The following ESRRA variants were observed in gnomAD, a reference collection of about 807,000 sequenced individuals.
ESRRA encodes the protein steroid hormone receptor ERR1.
ESRRA carries 7 observed loss-of-function variants against 35.6 expected under a neutral mutation model. The ratio of observed to expected loss-of-function variants is 0.20; its 90% CI spans 0.11 to 0.37. The LOEUF (loss-of-function observed/expected upper bound fraction) is 0.37, where lower values mean the gene tolerates loss of function less well. Ranked by LOEUF, ESRRA falls within the 10% of genes least tolerant of loss-of-function variation. The pLI, the probability that ESRRA is intolerant of heterozygous loss-of-function variation, is 1.00. For synonymous variants in ESRRA, 223 were observed against 246.9 expected, an observed-to-expected ratio of 0.90 and a Z score of 0.91; for missense variants, 378 against 561.7, an observed-to-expected ratio of 0.67 and a Z score of 3.31.
At position 64,314,385 on chromosome 11, in the gene ESRRA, A is replaced by G. The variant is rs781033400; in HGVS notation, c.571+18A>G. On this transcript the variant is annotated intron_variant, in intron 4 of 6. Coordinates refer to ENST00000000442, the MANE Select transcript of ESRRA (RefSeq NM_004451.5). Reference sequence around the variant, plus strand: ...GAAGACAGGTGAGAGCACTGTGGGTACCTGGGGCTACGAAACCGGAGGCCT... The same window carrying G: ...GAAGACAGGTGAGAGCACTGTGGGTGCCTGGGGCTACGAAACCGGAGGCCT... 43 of 1,534,498 alleles carry G rather than the reference A, an allele frequency of 2.8e-5. No homozygotes were observed. In the South Asian group the frequency reaches 4.3e-4, roughly 15 times the overall value.
In ESRRA at chr11:64,313,977, T is replaced by C; in HGVS notation, c.352T>C (p.Ser118Pro). 6.3e-7 allele frequency: 1 copy of C among 1,581,634 alleles called. No homozygotes were observed. The highest frequency in any genetic ancestry group is 8.6e-7 in the Non-Finnish European group (1 of 1,164,094). ...QGSIEYSCPA[S>P]NECEITKRRR... ...GAGCATCGAGTACAGCTGTCCGGCC[T>C]CCAACGAGTGTGAGATCACCAAGCG... The change falls in exon 3 of 7, where the codon TCC becomes CCC. Residue 118 changes from serine (S) to proline (P), a missense_variant. Coordinates refer to ENST00000000442, the MANE Select transcript of ESRRA (RefSeq NM_004451.5). This position sits in a 1 kb window ranked among gnomAD's most constrained non-coding sequence, Gnocchi z 4.0.
At chr11:64,315,358 G>C in intron 6 of ESRRA, 88 bp downstream of exon 6, 1 of 1,422,682 alleles carries the variant, frequency 7.0e-7, no homozygotes, top group East Asian at 2.4e-5. Flanking sequence ...CCATTTTGCA[G>C]ATAACGAAAA....
chr11:64,315,369 CTG>C, intron 6 of ESRRA, 99 bp downstream of exon 6: 3 of 1,356,244 alleles, frequency 2.2e-6, no homozygotes, highest in South Asian at 1.5e-5. Context: ...ATAACGAAAA[CTG>C]AGGCTTAGGG....
intron 2 of ESRRA, among the ~76,000 whole-genome samples, chr11:64,311,885 G>A (rs1228727846): frequency 1.3e-4 from 19 of 150,412 alleles, no homozygotes; most frequent in African/African-American, 4.4e-4. Context: ...GGGTTTCACC[G>A]TGTTGGTCAG....
intron 2 of ESRRA, among the ~76,000 whole-genome samples, chr11:64,310,149 C>T (rs535272936): frequency 3.3e-5 from 5 of 151,644 alleles, no homozygotes; most frequent in African/African-American, 1.2e-4. Context: ...GAGCTGAGCT[C>T]TTCAATGTTA....
rs1591239109 is a variant in ESRRA at position 64,307,338 on chromosome 11, G to A, written c.159G>A (p.Glu53=). 2 of 1,612,528 alleles carry A rather than the reference G, an allele frequency of 1.2e-6. No homozygotes were observed. Among genetic ancestry groups the A allele is most frequent in the Non-Finnish European group, 1.7e-6 (2 of 1,179,522 alleles). The change falls in exon 2 of 7, where the codon GAG becomes GAA. Residue 53 remains glutamate (E), a synonymous_variant. Transcript: ENST00000000442. ...PTRCLPGHKE[E]EDGEGAGPGE... ...GCTGCCTCCCAGGCCACAAGGAAGA[G>A]GAGGATGGGGAGGGGGCTGGGCCTG... is the stretch of plus-strand genomic sequence containing the variant.
At chr11:64,310,640 C>T (rs1308686280) in intron 2 of ESRRA, among the ~76,000 whole-genome samples, 1 of 150,656 alleles carries the variant, frequency 6.6e-6, no homozygotes, top group Non-Finnish European at 1.5e-5. Flanking sequence ...CTCTGCCTCC[C>T]GGGTTCAAGC....
intron 2 of ESRRA, among the ~76,000 whole-genome samples, chr11:64,312,496 C>T (rs41294404): frequency 0.022 from 3,291 of 152,232 alleles, 118 homozygotes; most frequent in African/African-American, 0.073. Context: ...AAATGCACCG[C>T]GAGGAGAAAT....
intron 1 of ESRRA, chr11:64,306,851 G>T: frequency 3.8e-6 from 1 of 260,664 alleles, no homozygotes; most frequent in South Asian, 1.2e-4. Context: ...TTCCAGGTGG[G>T]GTTGAAGGTT....
intron 2 of ESRRA, among the ~76,000 whole-genome samples, chr11:64,312,148 T>A (rs1449342753): frequency 6.6e-6 from 1 of 150,754 alleles, no homozygotes; most frequent in African/African-American, 2.4e-5. Flanking sequence ...CCGGCTAATT[T>A]TTTTTTTTCG....
chr11:64,314,861 T>A lies in ESRRA; in HGVS notation c.692T>A (p.Leu231His). The A allele has an allele frequency of 6.2e-7, 1 of 1,612,420 alleles. No individual in the cohort carries two copies. Among genetic ancestry groups the A allele is most frequent in the Non-Finnish European group, 8.5e-7 (1 of 1,180,018 alleles). ...CCAGCCGTGGCTACCCTCTGTGACCTCTTTGACCGAGAGATTGTGGTCACC... is the reference window on the plus strand; with the variant it reads ...CCAGCCGTGGCTACCCTCTGTGACCACTTTGACCGAGAGATTGTGGTCACC... ...HLPAVATLCD[L>H]FDREIVVTIS... The change falls in exon 5 of 7, where the codon CTC becomes CAC. Residue 231 changes from leucine (L) to histidine (H), a missense_variant. Around this residue, in one of 4 missense-constraint regions of ESRRA, gnomAD observed 284 missense variants for 411.7 expected, o/e 0.69. Coordinates refer to ENST00000000442, the MANE Select transcript of ESRRA (RefSeq NM_004451.5).
At position 64,307,252 on chromosome 11, in the gene ESRRA, G is replaced by C; in HGVS notation, c.73G>C (p.Gly25Arg). Residue 25 changes from glycine to arginine, a missense_variant, in exon 2 of 7, where the codon GGT becomes CGT. By Grantham distance (125) the Gly-to-Arg change is moderately radical (BLOSUM62 -2). Coordinates refer to ENST00000000442, the MANE Select transcript of ESRRA (RefSeq NM_004451.5). ...GCCGGCCAGCCCTGACAGTCCAAAG[G>C]GTTCCTCGGAGACAGAGACCGAGCC... Reference protein sequence around the residue: ...AEPASPDSPKGSSETETEPPV... With the variant: ...AEPASPDSPKRSSETETEPPV... 1 of 1,613,388 alleles carries C rather than the reference G, an allele frequency of 6.2e-7. No individual in the cohort carries two copies. Among genetic ancestry groups the C allele is most frequent in the Non-Finnish European group, 8.5e-7 (1 of 1,179,670 alleles).
intron 1 of ESRRA, 87 bp from the exon 2 acceptor site, chr11:64,307,081 G>A: frequency 8.5e-7 from 1 of 1,178,764 alleles, no homozygotes; most frequent in Non-Finnish European, 1.2e-6. Context: ...CTGGCCCTAG[G>A]CCCGAGGTTG....
At chr11:64,307,556 C>T (rs2035060580) in intron 2 of ESRRA, 52 bp downstream of exon 2, 1 of 1,370,064 alleles carries the variant, frequency 7.3e-7, no homozygotes, top group African/African-American at 1.5e-5. Context: ...TCTGGGTACA[C>T]TGCTGGGTGC....
intron 2 of ESRRA, among the ~76,000 whole-genome samples, chr11:64,308,076 G>A (rs12419387): frequency 6.6e-6 from 1 of 152,064 alleles, no homozygotes; most frequent in South Asian, 2.1e-4. Context: ...ATTTTTAGTA[G>A]AGACGACGTT....
intron 6 of ESRRA, among the ~76,000 whole-genome samples, chr11:64,315,474 G>C (rs2035229308): frequency 6.6e-6 from 1 of 152,232 alleles, no homozygotes; most frequent in South Asian, 2.1e-4. Flanking sequence ...CACTAATGCA[G>C]AAAGGTCATT....
chr11:64,315,732 G>A lies in ESRRA; in HGVS notation c.1038G>A (p.Glu346=), dbSNP rs767206758. 1.7e-5 allele frequency: 28 copies of A among 1,613,834 alleles called. No homozygotes were observed. The highest frequency in any genetic ancestry group is 2.3e-5 in the Non-Finnish European group (27 of 1,179,832). The change falls in exon 7 of 7, where the codon GAG becomes GAA. Residue 346 remains glutamate (E), a synonymous_variant. Coordinates refer to ENST00000000442, the MANE Select transcript of ESRRA (RefSeq NM_004451.5). ...ACTCTGTGCACATCGAAGATGCCGA[G>A]GCTGTGGAGCAGCTGCGAGAAGCTC... ...NSDSVHIEDA[E]AVEQLREALH...
At chr11:64,312,204 A>G (rs1319415849) in intron 2 of ESRRA, among the ~76,000 whole-genome samples, 1 of 150,934 alleles carries the variant, frequency 6.6e-6, no homozygotes, top group Non-Finnish European at 1.5e-5. Flanking sequence ...CAGTGGCACA[A>G]TCTCGGCTCA....
intron 6 of ESRRA, 130 bp from the exon 7 acceptor site, chr11:64,315,577 C>A: frequency 7.7e-7 from 1 of 1,296,358 alleles, no homozygotes; most frequent in South Asian, 1.3e-5. Context: ...ATGAGTGGTG[C>A]CTCTCAGTCA....
Sources: gnomAD v4.1 joint callset for allele counts (sites outside exome capture counted in the v4.1 genomes callset) on GRCh38, gnomAD v4.1.1 for gene constraint, gnomAD v4.1.1 regional missense constraint, Gnocchi (gnomAD v3.1) non-coding constraint, MANE v1.5 for transcripts, NCBI Gene and HGNC (gene_info 2026-07-23, HGNC 2026-07-21) for gene names.